The following SLC15A2 variants were observed in gnomAD, a reference collection of about 807,000 sequenced individuals.
The protein encoded by SLC15A2 is kidney H(+)/peptide cotransporter.
In SLC15A2, 77 loss-of-function variants were observed where a neutral mutation model predicts 95.5. The ratio of observed to expected loss-of-function variants is 0.81; its 90% CI spans 0.67 to 0.97. SLC15A2 has a LOEUF of 0.97. Ranked by LOEUF, SLC15A2 falls within the 50% of genes least tolerant of loss-of-function variation. The pLI, the probability that SLC15A2 is intolerant of heterozygous loss-of-function variation, is 0.00. For synonymous variants in SLC15A2, 306 were observed against 306.9 expected (o/e 1.00, Z 0.03); for missense variants, 893 against 874.4 (o/e 1.02, Z -0.27).
At chr3:121,899,591 G>A (rs968501389) in intron 3 of SLC15A2, among the ~76,000 whole-genome samples, 1 of 152,008 alleles carries the variant, frequency 6.6e-6, no homozygotes, top group Non-Finnish European at 1.5e-5. Flanking sequence ...TTCATTATCA[G>A]TTCTTATGGT....
intron 19 of SLC15A2, among the ~76,000 whole-genome samples, chr3:121,938,373 A>G (rs182591751): frequency 0.028 from 4,237 of 152,142 alleles, 153 homozygotes; most frequent in African/African-American, 0.09. Context: ...CCTCGCTGCC[A>G]CCTTGCATTT....
intron 7 of SLC15A2, among the ~76,000 whole-genome samples, chr3:121,919,910 G>A (rs796896243): frequency 2.6e-5 from 4 of 152,314 alleles, no homozygotes; most frequent in African/African-American, 9.6e-5. Flanking sequence ...CTGCGGATAG[G>A]AGGAGGAATA....
intron 3 of SLC15A2, among the ~76,000 whole-genome samples, chr3:121,904,725 T>C (rs1452618528): frequency 1.3e-5 from 2 of 152,234 alleles, no homozygotes; most frequent in African/African-American, 4.8e-5. Context: ...TGGATAACCT[T>C]TCTGATGTGC....
rs999780778 is a variant in SLC15A2, at chr3:121,902,828, A to G, written c.335+5299A>G. On this transcript the variant is annotated intron_variant, in intron 3 of 21. Coordinates refer to ENST00000489711, the MANE Select transcript of SLC15A2 (RefSeq NM_021082.4). ...AGTGCTGCAGTAAACATATGTATGC[A>G]TGTGTCTTTATAGTAGCATGATTTA... Among the ~76,000 whole-genome samples, 4 of 152,210 alleles carry G rather than the reference A, an allele frequency of 2.6e-5. No homozygotes were observed. In the South Asian group the frequency reaches 6.2e-4, roughly 24 times the overall value.
chr3:121,896,592 C>T (rs879567204), intron 2 of SLC15A2, 99 bp downstream of exon 2: 3 of 938,482 alleles, frequency 3.2e-6, no homozygotes, highest in African/African-American at 1.6e-5. Flanking sequence ...TTTCCCGAGT[C>T]CACTCTTTCT....
chr3:121,907,910 G>A (rs1709687355), intron 3 of SLC15A2, among the ~76,000 whole-genome samples: 1 of 152,256 alleles, frequency 6.6e-6, no homozygotes, highest in African/African-American at 2.4e-5. Context: ...TCTCTTCAGA[G>A]CTGTCAGACA....
At chr3:121,907,978 C>T (rs190324392) in intron 3 of SLC15A2, among the ~76,000 whole-genome samples, 2 of 152,362 alleles carry the variant, frequency 1.3e-5, no homozygotes, top group African/African-American at 4.8e-5. Context: ...GCCCTGACCC[C>T]AGAGGTGGGT....
chr3:121,916,269 C>T (rs1232660539), intron 7 of SLC15A2, among the ~76,000 whole-genome samples: 1 of 152,178 alleles, frequency 6.6e-6, no homozygotes, highest in Non-Finnish European at 1.5e-5. Flanking sequence ...GTGGCATTCT[C>T]TTTATCCCTG....
chr3:121,933,783 A>C (rs1710281616), intron 19 of SLC15A2, among the ~76,000 whole-genome samples: 1 of 149,566 alleles, frequency 6.7e-6, no homozygotes, highest in Non-Finnish European at 1.5e-5. Context: ...CCCATTTGTC[A>C]ATTTTGGCTT....
rs1710148733 is a variant in SLC15A2 at position 121,927,746 on chromosome 3, T to C, written c.1125-12T>C. On this transcript the variant is annotated splice_polypyrimidine_tract_variant and intron_variant, in intron 13 of 21. Coordinates refer to ENST00000489711, the MANE Select transcript of SLC15A2 (RefSeq NM_021082.4). ...AAAGTTTAGATATAATTGTTTCTCCTTTCCACCACAGATCACTTAGGAAAA... is the reference window on the plus strand; with the variant it reads ...AAAGTTTAGATATAATTGTTTCTCCCTTCCACCACAGATCACTTAGGAAAA... 6.2e-7 allele frequency: 1 copy of C among 1,607,202 alleles called. No individual in the cohort carries two copies. Among genetic ancestry groups the C allele is most frequent in the Non-Finnish European group, 8.5e-7 (1 of 1,173,670 alleles).
intron 8 of SLC15A2, among the ~76,000 whole-genome samples, chr3:121,922,535 T>C (rs1396962317): frequency 6.6e-6 from 1 of 152,226 alleles, no homozygotes; most frequent in Non-Finnish European, 1.5e-5. Context: ...AATGTAATTA[T>C]ATATAGACAG....
At chr3:121,918,855 G>T (rs1429327974) in intron 7 of SLC15A2, among the ~76,000 whole-genome samples, 1 of 152,202 alleles carries the variant, frequency 6.6e-6, no homozygotes, top group Non-Finnish European at 1.5e-5. Context: ...AGACTGATTG[G>T]AGGAGACTGA....
rs1920313 is a variant in SLC15A2, at chr3:121,941,013, C to T, written c.*6C>T. 8,389 of 1,611,480 alleles carry T rather than the reference C, an allele frequency of 5.2e-3. 314 individuals are homozygous for T. In the African/African-American group the frequency reaches 0.094, roughly 18 times the overall value. On this transcript the variant is annotated 3_prime_UTR_variant, in exon 22 of 22. Transcript: ENST00000489711. ...CCAAGAAGACAAAACTCTGATGACTCCCTAGATTCTGTCCTGACCCCAATT... is the reference window on the plus strand; with the variant it reads ...CCAAGAAGACAAAACTCTGATGACTTCCTAGATTCTGTCCTGACCCCAATT...
rs1199714179 is a variant in SLC15A2, at chr3:121,933,592, C to T, written c.1761+1857C>T. On this transcript the variant is annotated intron_variant, in intron 19 of 21. Coordinates refer to ENST00000489711, the MANE Select transcript of SLC15A2 (RefSeq NM_021082.4). ...GAAGTGTCTGTTCATGTCCTTCGCC[C>T]ACTTTTTGATGGGGTTGTTTGTTTT... 1.4e-3 allele frequency among the ~76,000 whole-genome samples: 213 copies of T among 150,652 alleles called. 1 individual carries two copies. The East Asian group carries it at 0.038, about 27-fold the overall frequency.
In SLC15A2 at chr3:121,894,507, G is replaced by T. The variant is rs771751951; in HGVS notation, c.31G>T (p.Glu11Ter). Reference sequence around the variant, plus strand: ...TCCTTTCCAGAAAAATGAGTCCAAGGAAACTCTTTTTTCACCTGTCTCCAT... The same window carrying T: ...TCCTTTCCAGAAAAATGAGTCCAAGTAAACTCTTTTTTCACCTGTCTCCAT... MNPFQKNESK[E>*]TLFSPVSIEE... Residue 11 changes from glutamate (E) to a stop codon, truncating the protein, a stop_gained, in exon 1 of 22, where the codon GAA (glutamate) becomes TAA (stop). Transcript: ENST00000489711. LOFTEE classifies it high-confidence loss of function. 6.2e-7 allele frequency: 1 copy of T among 1,613,386 alleles called. No individual in the cohort carries two copies. The highest frequency in any genetic ancestry group is 1.7e-5 in the Admixed American group (1 of 59,940).
chr3:121,933,741 T>C (rs1222764942), intron 19 of SLC15A2, among the ~76,000 whole-genome samples: 2 of 152,054 alleles, frequency 1.3e-5, no homozygotes, highest in African/African-American at 2.4e-5. Context: ...TAGTTTCTTT[T>C]GCTGTGCAGA....
At chr3:121,924,113 T>C (rs953178703) in intron 11 of SLC15A2, among the ~76,000 whole-genome samples, 2 of 152,174 alleles carry the variant, frequency 1.3e-5, no homozygotes, top group Non-Finnish European at 2.9e-5. Flanking sequence ...GCATAATACA[T>C]AGAAAATAAT....
intron 7 of SLC15A2, among the ~76,000 whole-genome samples, chr3:121,918,645 A>G (rs1329506361): frequency 6.6e-6 from 1 of 152,228 alleles, no homozygotes; most frequent in Non-Finnish European, 1.5e-5. Flanking sequence ...GGAAAAGCCC[A>G]CAAATGAGAC....
At chr3:121,900,085 C>G (rs972607316) in intron 3 of SLC15A2, among the ~76,000 whole-genome samples, 3 of 152,124 alleles carry the variant, frequency 2.0e-5, no homozygotes, top group Non-Finnish European at 4.4e-5. Flanking sequence ...CAGGTTATAA[C>G]TTTTACCCTC....
Sources: allele counts gnomAD v4.1 joint callset (sites outside exome capture counted in the v4.1 genomes callset), GRCh38; gene constraint gnomAD v4.1.1; transcripts MANE v1.5; gene names NCBI Gene and HGNC (gene_info 2026-07-23, HGNC 2026-07-21).